PDE4DIP: variants seen among roughly 807,000 people sequenced by gnomAD.
PDE4DIP encodes myomegalin.
PDE4DIP carries 59 observed loss-of-function variants against 221.4 expected under a neutral mutation model. That is an observed-to-expected ratio of 0.27 (90% CI 0.22 to 0.33). The LOEUF (loss-of-function observed/expected upper bound fraction) is 0.33, where lower values mean the gene tolerates loss of function less well. PDE4DIP is among the 10% of genes least tolerant of loss of function. PDE4DIP has a pLI of 1.00. For synonymous variants in PDE4DIP, 404 were observed against 815.9 expected, an observed-to-expected ratio of 0.50 and a Z score of 8.60; for missense variants, 1,036 against 2,154.2, an observed-to-expected ratio of 0.48 and a Z score of 10.28.
At chr1:148,859,191 G>A (rs1553398085) in intron 1 of PDE4DIP, among the ~76,000 whole-genome samples, 3 of 109,522 alleles carry the variant, frequency 2.7e-5, no homozygotes, top group South Asian at 3.3e-4. Context: ...GAATATCAGG[G>A]GGTGGCAGAT....
intron 22 of PDE4DIP, among the ~76,000 whole-genome samples, chr1:148,997,878 T>G (rs1322051155): frequency 6.6e-6 from 1 of 152,292 alleles, no homozygotes; most frequent in Admixed American, 6.5e-5. Flanking sequence ...TTGTTTTAAT[T>G]TCTTATGTGC....
chr1:149,017,353 T>C (rs1229616885), intron 33 of PDE4DIP, among the ~76,000 whole-genome samples: 1 of 152,266 alleles, frequency 6.6e-6, no homozygotes, highest in Non-Finnish European at 1.5e-5. Flanking sequence ...TAAAGAATGC[T>C]CACTCACGTG....
At chr1:148,940,329 A>G (rs1380547257) in intron 5 of PDE4DIP, among the ~76,000 whole-genome samples, 1 of 151,798 alleles carries the variant, frequency 6.6e-6, no homozygotes, top group Non-Finnish European at 1.5e-5. Context: ...GAAGAAATGC[A>G]TCAAATCATA....
chr1:148,980,558 C>A (rs193182072), intron 20 of PDE4DIP, among the ~76,000 whole-genome samples: 5 of 152,168 alleles, frequency 3.3e-5, no homozygotes, highest in Admixed American at 2.0e-4. Flanking sequence ...ATATATGATA[C>A]CTCTCTGGAT....
Position 148,964,031 on chromosome 1 carries a change from T to C in PDE4DIP, c.1194+1391T>C, listed in dbSNP as rs1195343493. On this transcript the variant is annotated intron_variant, in intron 9 of 43. Coordinates refer to ENST00000369354, the Ensembl canonical transcript of PDE4DIP. ...CCTCAGCCTCCCAAAGTGCTGAGAT[T>C]ACAGGCGTGAGCCACTGCGCCCGGC... Among the ~76,000 whole-genome samples, 3 of 151,852 alleles carry C rather than the reference T, an allele frequency of 2.0e-5. No individual in the cohort carries two copies. In the East Asian group the frequency reaches 5.8e-4, roughly 29 times the overall value.
rs2059994556 is a variant in PDE4DIP at position 148,975,489 on chromosome 1, A to G, written c.2319+884A>G. On this transcript the variant is annotated intron_variant, in intron 17 of 43. Coordinates refer to ENST00000369354, the Ensembl canonical transcript of PDE4DIP. ...TAGTCATGTAACTAATAAATGCCAGAGCTATGATTCAAACTCAAGCCTTTT... is the reference window on the plus strand; with the variant it reads ...TAGTCATGTAACTAATAAATGCCAGGGCTATGATTCAAACTCAAGCCTTTT... Among the ~76,000 whole-genome samples the G allele has an allele frequency of 2.0e-5, 3 of 151,492 alleles. No homozygotes were observed. The East Asian group carries it at 6.0e-4, about 30-fold the overall frequency.
intron 20 of PDE4DIP, among the ~76,000 whole-genome samples, chr1:148,980,578 T>C (rs1158664104): frequency 1.3e-5 from 2 of 152,210 alleles, no homozygotes; most frequent in African/African-American, 4.8e-5. Flanking sequence ...TCATTTTATA[T>C]TCTCTTCATT....
intron 37 of PDE4DIP, among the ~76,000 whole-genome samples, chr1:149,022,097 G>T (rs587685647): frequency 1.3e-5 from 2 of 149,944 alleles, no homozygotes; most frequent in South Asian, 2.2e-4. Flanking sequence ...GGACATGAGG[G>T]TTTGGGGTTT....
At chr1:148,969,177 A>C in intron 14 of PDE4DIP, 147 bp downstream of exon 17, 1 of 550,410 alleles carries the variant, frequency 1.8e-6, no homozygotes, top group Non-Finnish European at 3.2e-6. Context: ...TATTACCTAA[A>C]CCACAGTTTT....
intron 9 of PDE4DIP, among the ~76,000 whole-genome samples, chr1:148,963,721 C>T (rs2057488934): frequency 3.1e-5 from 4 of 130,200 alleles, no homozygotes; most frequent in South Asian, 5.3e-4. Context: ...CTTTTCTTTT[C>T]TTTCTTTCCT....
At chr1:148,937,329 G>A (rs2049428064) in intron 4 of PDE4DIP, among the ~76,000 whole-genome samples, 1 of 152,142 alleles carries the variant, frequency 6.6e-6, no homozygotes, top group Non-Finnish European at 1.5e-5. Context: ...TTAAATTTTT[G>A]CAAAACAGCG....
At chr1:148,879,506 A>AT (rs1692850042) in intron 3 of PDE4DIP, among the ~76,000 whole-genome samples, 1 of 143,288 alleles carries the variant, frequency 7.0e-6, no homozygotes, top group South Asian at 2.3e-4. Context: ...CTGTTTTTTT[A>AT]TTTTTTGTAG....
intron 2 of PDE4DIP, 123 bp from the exon 6 acceptor site, chr1:148,931,677 G>A (rs2150566268): frequency 3.2e-6 from 3 of 940,068 alleles, no homozygotes; most frequent in Non-Finnish European, 5.1e-6. Flanking sequence ...GCTGTTGGTG[G>A]AAATATAAAC....
intron 1 of PDE4DIP, among the ~76,000 whole-genome samples, chr1:148,859,599 G>A (rs1297077158): frequency 6.6e-6 from 1 of 151,950 alleles, no homozygotes; most frequent in Non-Finnish European, 1.5e-5. Flanking sequence ...CATCATGGGA[G>A]AAAGATTATA....
intron 3 of PDE4DIP, among the ~76,000 whole-genome samples, chr1:148,884,067 AAAT>A (rs1329968992): frequency 4.1e-5 from 6 of 145,116 alleles, no homozygotes; most frequent in Admixed American, 2.0e-4. Flanking sequence ...TACACAAAGA[AAAT>A]AATCTTCCCA....
intron 21 of PDE4DIP, among the ~76,000 whole-genome samples, chr1:148,987,319 C>T: frequency 6.6e-6 from 1 of 152,098 alleles, no homozygotes; most frequent in Non-Finnish European, 1.5e-5. Flanking sequence ...TAATAGTTTT[C>T]TTATGATCCT....
intron 32 of PDE4DIP, among the ~76,000 whole-genome samples, chr1:149,013,907 C>T: frequency 6.6e-6 from 1 of 151,604 alleles, no homozygotes; most frequent in East Asian, 1.9e-4. Flanking sequence ...CCCACCTCAG[C>T]CCCCCAAGTA....
chr1:148,824,682 G>A (rs201267558), intron 1 of PDE4DIP, among the ~76,000 whole-genome samples: 6 of 50,514 alleles, frequency 1.2e-4, no homozygotes, highest in Middle Eastern at 5.7e-3. Context: ...CAAAAGGGAA[G>A]GGGGAGTATA....
Position 148,857,336 on chromosome 1 carries a change from A to G in PDE4DIP, c.234-5914A>G, listed in dbSNP as rs112279262. 1.7e-4 allele frequency among the ~76,000 whole-genome samples: 13 copies of G among 77,378 alleles called. 3 individuals carry two copies. Among genetic ancestry groups the G allele is most frequent in the Admixed American group, 4.6e-4 (4 of 8,638 alleles). The allele number at this position is 77,378 out of a possible 152,430, so 50.8% of individuals were successfully genotyped here. On this transcript the variant is annotated intron_variant, in intron 1 of 45. Coordinates refer to the PDE4DIP transcript ENST00000524974. Reference sequence around the variant, plus strand: ...GTTTGTTTCTATGGGTATTTTCACAATAGTGCAAATCTTAGCCCCTTTCTT... The same window carrying G: ...GTTTGTTTCTATGGGTATTTTCACAGTAGTGCAAATCTTAGCCCCTTTCTT...
Sources: allele counts gnomAD v4.1 joint callset (sites outside exome capture counted in the v4.1 genomes callset), GRCh38; gene constraint gnomAD v4.1.1; transcripts MANE v1.5; gene names NCBI Gene and HGNC (gene_info 2026-07-23, HGNC 2026-07-21).